Variants in CCT2 observed in about 807,000 individuals in gnomAD.
The protein encoded by CCT2 is T-complex protein 1 subunit beta.
A neutral mutation model predicts 61.8 loss-of-function variants in CCT2; 18 were observed. The ratio of observed to expected loss-of-function variants is 0.29; its 90% CI spans 0.20 to 0.43. CCT2 has a LOEUF of 0.43. CCT2 is among the 20% of genes least tolerant of loss of function. The pLI is 1.00. For synonymous variants in CCT2, 248 were observed against 215.9 expected (o/e 1.15, Z -1.30); for missense variants, 556 against 656.9 (o/e 0.85, Z 1.68).
At chr12:69,600,545 C>T (rs1425410950) in intron 15 of CCT2, among the ~76,000 whole-genome samples, 2 of 151,920 alleles carry the variant, frequency 1.3e-5, no homozygotes, top group Non-Finnish European at 2.9e-5. Flanking sequence ...CCAGACCTAC[C>T]AGACCATGGG....
chr12:69,595,688 C>CAA (rs10655703), intron 10 of CCT2, among the ~76,000 whole-genome samples: 15,289 of 99,028 alleles, frequency 0.15, 1,447 homozygotes, highest in East Asian at 0.37. Context: ...GACTCCGTCT[C>CAA]AAAAAAAAAA....
intron 10 of CCT2, 69 bp downstream of exon 10, chr12:69,593,682 A>G (rs985267498): frequency 5.5e-6 from 5 of 904,798 alleles, no homozygotes; most frequent in Non-Finnish European, 9.0e-6. Flanking sequence ...TTGTTACTAT[A>G]TGCAACTACC....
chr12:69,588,828 C>G (rs1044063323), intron 6 of CCT2, among the ~76,000 whole-genome samples: 1 of 152,218 alleles, frequency 6.6e-6, no homozygotes, highest in Non-Finnish European at 1.5e-5. Flanking sequence ...TGAAACCAGT[C>G]CCTGGTGCCA....
chr12:69,586,957 A>G (rs1881683226), intron 3 of CCT2, 139 bp downstream of exon 3: 1 of 545,984 alleles, frequency 1.8e-6, no homozygotes, highest in Admixed American at 3.6e-5. Context: ...CTTAGTAAAA[A>G]TCAGAGTCCC....
chr12:69,587,878 A>G (rs2135849902), intron 4 of CCT2, 52 bp from the exon 5 acceptor site: 1 of 1,382,380 alleles, frequency 7.2e-7, no homozygotes, highest in Non-Finnish European at 1.0e-6. Context: ...TTTTTGGAGA[A>G]TTTAGTAAGC....
chr12:69,592,899 G>C (rs1881877622), intron 8 of CCT2, 77 bp from the exon 9 acceptor site: 1 of 1,445,272 alleles, frequency 6.9e-7, no homozygotes. Context: ...CTGCACTCCA[G>C]CCTGGGCAAC....
At chr12:69,599,821 T>A in intron 14 of CCT2, 42 bp from the exon 15 acceptor site, 1 of 1,537,706 alleles carries the variant, frequency 6.5e-7, no homozygotes, top group Non-Finnish European at 8.9e-7. Context: ...TTTTGATACT[T>A]TAGTTAAAAC....
At chr12:69,597,852 A>C in intron 12 of CCT2, 86 bp downstream of exon 12, 1 of 1,416,786 alleles carries the variant, frequency 7.1e-7, no homozygotes, top group Non-Finnish European at 9.7e-7. Flanking sequence ...TCTTACAGAA[A>C]TCTTATATTG....
intron 10 of CCT2, 56 bp downstream of exon 10, chr12:69,593,669 T>A: frequency 9.6e-7 from 1 of 1,039,690 alleles, no homozygotes; most frequent in Non-Finnish European, 1.5e-6. Context: ...TTGAATTTGT[T>A]ATTTGTTACT....
intron 1 of CCT2, 162 bp from the exon 2 acceptor site, chr12:69,586,108 C>T: frequency 1.7e-6 from 2 of 1,175,514 alleles, no homozygotes. Context: ...CTCTCTCCCA[C>T]TTAAATGCTT....
At chr12:69,592,312 C>T in intron 8 of CCT2, 153 bp downstream of exon 8, 1 of 410,380 alleles carries the variant, frequency 2.4e-6, no homozygotes, top group South Asian at 4.5e-5. Flanking sequence ...CCTGTCTCTA[C>T]TAAAAAAAAA....
At chr12:69,593,459 T>C in intron 9 of CCT2, 51 bp from the exon 10 acceptor site, 1 of 1,215,684 alleles carries the variant, frequency 8.2e-7, no homozygotes, top group East Asian at 2.4e-5. Flanking sequence ...TCTAATGTAG[T>C]TTATCTTGTA....
rs556132838 is a variant in CCT2, at chr12:69,600,649, G to A, written c.1577+645G>A. 5.5e-5 allele frequency among the ~76,000 whole-genome samples: 8 copies of A among 146,662 alleles called. No homozygotes were observed. The East Asian group carries it at 1.3e-3, about 23-fold the overall frequency. ...GCTTCATAACTCTTGACAATGGTTA[G>A]CATCCTAGTCCCCCCATAAGCTACC... On this transcript the variant is annotated intron_variant, in intron 15 of 15. Coordinates refer to ENST00000299300, the MANE Select transcript of CCT2 (RefSeq NM_006431.3).
intron 5 of CCT2, 42 bp from the exon 6 acceptor site, chr12:69,588,108 A>G (rs775985449): frequency 6.4e-7 from 1 of 1,563,514 alleles, no homozygotes; most frequent in Admixed American, 1.7e-5. Context: ...AGTGCTTAAT[A>G]ATTTTCTATT....
intron 10 of CCT2, among the ~76,000 whole-genome samples, chr12:69,594,701 G>T (rs1046458020): frequency 2.6e-5 from 4 of 152,092 alleles, no homozygotes; most frequent in African/African-American, 7.2e-5. Context: ...CAAAAAATTA[G>T]CTGGGCGTGG....
chr12:69,589,180 C>T (rs1204313369), intron 6 of CCT2: 1 of 379,014 alleles, frequency 2.6e-6, no homozygotes, highest in Non-Finnish European at 4.9e-6. Context: ...CCTCCTCAGT[C>T]TCCCAAAGTG....
At chr12:69,598,477 G>A in intron 14 of CCT2, 56 bp downstream of exon 14, 1 of 1,106,534 alleles carries the variant, frequency 9.0e-7, no homozygotes, top group Non-Finnish European at 1.3e-6. Flanking sequence ...TTTTCACTAA[G>A]CTTTTTTTTT....
At chr12:69,585,566 C>A in intron 1 of CCT2, 42 bp downstream of exon 1, 2 of 1,563,906 alleles carry the variant, frequency 1.3e-6, no homozygotes, top group Non-Finnish European at 1.7e-6. Context: ...CCCTGCTCCG[C>A]CGTGCTCTTG....
chr12:69,585,650 G>A (rs1881624016), intron 1 of CCT2, 126 bp downstream of exon 1: 3 of 1,534,092 alleles, frequency 2.0e-6, no homozygotes, highest in Non-Finnish European at 2.6e-6. Flanking sequence ...CGCACATGGT[G>A]CGAGCCATGC....
Sources: gnomAD v4.1 joint callset for allele counts (sites outside exome capture counted in the v4.1 genomes callset) on GRCh38, gnomAD v4.1.1 for gene constraint, MANE v1.5 for transcripts, NCBI Gene and HGNC (gene_info 2026-07-23, HGNC 2026-07-21) for gene names.